The following STK3 variants were observed in gnomAD, a reference collection of about 807,000 sequenced individuals.
The protein encoded by STK3 is serine/threonine-protein kinase 3.
STK3 carries 41 observed loss-of-function variants against 58.0 expected under a neutral mutation model. That is an observed-to-expected ratio of 0.71 (90% confidence interval 0.55 to 0.92). STK3 has a LOEUF of 0.92. STK3 is among the 40% of genes least tolerant of loss of function. STK3 has a pLI of 0.00. For synonymous variants in STK3, 170 were observed against 191.0 expected (o/e 0.89, Z 0.91); for missense variants, 479 against 602.7 (o/e 0.79, Z 2.15).
At chr8:98,607,732 T>C (rs1422363442) in intron 6 of STK3, among the ~76,000 whole-genome samples, 1 of 152,204 alleles carries the variant, frequency 6.6e-6, no homozygotes, top group African/African-American at 2.4e-5. Flanking sequence ...AAACTTTGAT[T>C]ATTCAGATTT....
chr8:98,591,311 T>C (rs1381128425), intron 7 of STK3, among the ~76,000 whole-genome samples: 1 of 152,244 alleles, frequency 6.6e-6, no homozygotes, highest in Non-Finnish European at 1.5e-5. Flanking sequence ...TGTTTTCACA[T>C]TCAATTGCGT....
In STK3 at chr8:98,675,478, A is replaced by G. The variant is rs371917857; in HGVS notation, c.684+30989T>C. ...TAAAAAAAATGGCTGAGCTATGGAA[A>G]AACAGTATGGTGGTTCCTCAAAAAA... is the stretch of plus-strand genomic sequence containing the variant. On this transcript the variant is annotated intron_variant, in intron 6 of 10. Transcript: ENST00000419617. Among the ~76,000 whole-genome samples, 18 of 152,284 alleles carry G rather than the reference A, an allele frequency of 1.2e-4. No individual in the cohort carries two copies. The East Asian group carries it at 1.5e-3, about 13-fold the overall frequency.
intron 7 of STK3, among the ~76,000 whole-genome samples, chr8:98,588,737 A>G (rs1023159528): frequency 1.8e-4 from 27 of 151,582 alleles, no homozygotes; most frequent in African/African-American, 6.1e-4. Context: ...AGGTACACCA[A>G]TTAGACGTAG....
intron 1 of STK3, among the ~76,000 whole-genome samples, chr8:98,440,682 A>T (rs1053113329): frequency 6.6e-6 from 1 of 152,228 alleles, no homozygotes; most frequent in Non-Finnish European, 1.5e-5. Flanking sequence ...GTTAAGTAAC[A>T]TCTTTCTGAA....
chr8:98,448,778 G>A (rs1387626622), intron 1 of STK3, among the ~76,000 whole-genome samples: 3 of 152,098 alleles, frequency 2.0e-5, no homozygotes, highest in Non-Finnish European at 4.4e-5. Context: ...GAGGAAACAT[G>A]GGGTATGACA....
chr8:98,366,484 A>G (rs1817565852), downstream of STK3, among the ~76,000 whole-genome samples: 1 of 152,162 alleles, frequency 6.6e-6, no homozygotes, highest in Non-Finnish European at 1.5e-5. Flanking sequence ...CATTCTCTTG[A>G]GCATTTAGGT....
intron 4 of STK3, among the ~76,000 whole-genome samples, chr8:98,730,715 CAAAA>C (rs36085293): frequency 3.0e-5 from 2 of 66,390 alleles, no homozygotes; most frequent in African/African-American, 6.0e-5. Flanking sequence ...GACTCCGTCT[CAAAA>C]AAAAAAAAAA....
At chr8:98,483,831 CA>C (rs1450593654) in intron 10 of STK3, among the ~76,000 whole-genome samples, 2 of 152,036 alleles carry the variant, frequency 1.3e-5, no homozygotes, top group Non-Finnish European at 2.9e-5. Context: ...GGTCTGGGCT[CA>C]GAAGAAATGG....
At chr8:98,520,800 TGAG>T (rs1404011178) in intron 10 of STK3, among the ~76,000 whole-genome samples, 3 of 152,092 alleles carry the variant, frequency 2.0e-5, no homozygotes, top group Non-Finnish European at 4.4e-5. Flanking sequence ...AACTAATAGA[TGAG>T]GGAATGAATA....
chr8:98,408,538 C>T (rs556809191), intron 3 of STK3, among the ~76,000 whole-genome samples: 45 of 152,296 alleles, frequency 3.0e-4, no homozygotes, highest in African/African-American at 9.4e-4. Context: ...TTGACTCAAA[C>T]GCACAACAAT....
chr8:98,791,530 A>G (rs1167810152), intron 1 of STK3, among the ~76,000 whole-genome samples: 2 of 152,246 alleles, frequency 1.3e-5, no homozygotes, highest in Non-Finnish European at 2.9e-5. Context: ...CTAAGCAAAA[A>G]GAACAAATCT....
Position 98,800,666 on chromosome 8 carries a change from G to A in STK3, c.26+24849C>T, listed in dbSNP as rs537787624. On this transcript the variant is annotated intron_variant, in intron 1 of 10. Coordinates refer to ENST00000419617, the MANE Select transcript of STK3 (RefSeq NM_006281.4). The surrounding 1 kb of genome is among the most constrained non-coding windows in gnomAD (Gnocchi z 4.8). The stretch of plus-strand genomic sequence containing the variant: ...AGTTCCGGGTGGGTGTGGGCTTGAT[G>A]GGCCCCGCACTCAGAGTGGCCAGCT... Among the ~76,000 whole-genome samples the A allele has an allele frequency of 3.6e-4, 55 of 152,308 alleles. No individual in the cohort carries two copies. The East Asian group carries it at 6.8e-3, about 19-fold the overall frequency.
chr8:98,580,990 C>T (rs73275872), intron 7 of STK3, among the ~76,000 whole-genome samples: 2,668 of 152,308 alleles, frequency 0.018, 74 homozygotes, highest in African/African-American at 0.061. Context: ...ATAGATTAAT[C>T]TTACCAAACA....
At chr8:98,936,010 G>A (rs1009828135) in intron 1 of STK3, among the ~76,000 whole-genome samples, 13 of 151,930 alleles carry the variant, frequency 8.6e-5, no homozygotes, top group Non-Finnish European at 1.6e-4. Context: ...TCCACCTCCC[G>A]GGTTCATGCC....
At chr8:98,449,859 T>C (rs984281605), downstream of STK3, among the ~76,000 whole-genome samples, 2 of 152,114 alleles carry the variant, frequency 1.3e-5, no homozygotes, top group African/African-American at 2.4e-5. Context: ...TAAAGAAAGA[T>C]GTCCTCTCAT....
chr8:98,462,128 A>C (rs1402594525), intron 10 of STK3, among the ~76,000 whole-genome samples: 2 of 152,188 alleles, frequency 1.3e-5, no homozygotes, highest in Non-Finnish European at 2.9e-5. Flanking sequence ...TGTACAATTA[A>C]GTTATTATTA....
At chr8:98,441,938 C>G (rs551435736) in intron 1 of STK3, among the ~76,000 whole-genome samples, 2 of 152,318 alleles carry the variant, frequency 1.3e-5, no homozygotes, top group East Asian at 3.9e-4. Context: ...TTTCCAGCTG[C>G]CCCCAGGATA....
intron 3 of STK3, among the ~76,000 whole-genome samples, chr8:98,759,495 T>C (rs554968993): frequency 6.6e-6 from 1 of 152,162 alleles, no homozygotes; most frequent in African/African-American, 2.4e-5. Context: ...CAGATCACCA[T>C]AACAGATATA....
At chr8:98,618,229 T>C (rs1354094791) in intron 6 of STK3, among the ~76,000 whole-genome samples, 6 of 151,106 alleles carry the variant, frequency 4.0e-5, no homozygotes, top group Admixed American at 6.6e-5. Context: ...ATTATCTCAA[T>C]AGATGCAGAA....
Sources: allele counts gnomAD v4.1 joint callset (sites outside exome capture counted in the v4.1 genomes callset), GRCh38; gene constraint gnomAD v4.1.1; non-coding constraint Gnocchi (gnomAD v3.1); transcripts MANE v1.5; gene names NCBI Gene and HGNC (gene_info 2026-07-23, HGNC 2026-07-21).